DLGAP4: variants seen among roughly 807,000 people sequenced by gnomAD.
The protein encoded by DLGAP4 is disks large-associated protein 4.
A neutral mutation model predicts 86.9 loss-of-function variants in DLGAP4; 18 were observed. The ratio of observed to expected loss-of-function variants is 0.21; its 90% CI spans 0.14 to 0.31. DLGAP4 has a LOEUF of 0.31. DLGAP4 is among the 10% of genes least tolerant of loss of function. DLGAP4 has a pLI of 1.00. For missense variants in DLGAP4, 1,085 were observed against 1,362.6 expected, an observed-to-expected ratio of 0.80 and a Z score of 3.21; for synonymous variants, 548 against 574.3, an observed-to-expected ratio of 0.95 and a Z score of 0.65.
chr20:36,420,303 A>C (rs1174449760), intron 2 of DLGAP4, among the ~76,000 whole-genome samples: 3 of 152,076 alleles, frequency 2.0e-5, no homozygotes, highest in Admixed American at 6.5e-5. Context: ...CAGAGCAGAG[A>C]GGGGCTGGCA....
chr20:36,317,385 G>A (rs1161609669), intron 1 of DLGAP4, among the ~76,000 whole-genome samples: 2 of 118,594 alleles, frequency 1.7e-5, no homozygotes, highest in East Asian at 2.5e-4. Context: ...CTTTCCTCTC[G>A]TCTCTTTCTT....
At chr20:36,414,299 G>A (rs907506091) in intron 2 of DLGAP4, among the ~76,000 whole-genome samples, 2 of 152,046 alleles carry the variant, frequency 1.3e-5, no homozygotes, top group Non-Finnish European at 1.5e-5. Flanking sequence ...TGCCTGCGTC[G>A]TCCCCCTTCC....
chr20:36,485,736 T>C (rs867939111), intron 7 of DLGAP4, among the ~76,000 whole-genome samples: 1 of 152,326 alleles, frequency 6.6e-6, no homozygotes, highest in South Asian at 2.1e-4. Flanking sequence ...CCCAGAGCTG[T>C]GTCAGGATAA....
rs529531486 is a variant in DLGAP4, at chr20:36,330,853, G to A, written c.-304+24341G>A. Among the ~76,000 whole-genome samples the A allele has an allele frequency of 2.8e-3, 420 of 152,312 alleles. 1 individual carries two copies. Among genetic ancestry groups the A allele is most frequent in the Middle Eastern group, 0.01 (3 of 294 alleles). On this transcript the variant is annotated intron_variant, in intron 1 of 12. Coordinates refer to ENST00000339266, the MANE Select transcript of DLGAP4 (RefSeq NM_001365621.2). ...CTCCCAAAGTGCTGGGATTACAGGCGTGAGCCGCCACGCCCGGCCGACTTT... is the reference window on the plus strand; with the variant it reads ...CTCCCAAAGTGCTGGGATTACAGGCATGAGCCGCCACGCCCGGCCGACTTT...
chr20:36,446,925 C>T lies in DLGAP4; in HGVS notation c.1636C>T (p.Arg546Cys), dbSNP rs150644280. Residue 546 changes from arginine to cysteine, a missense_variant, in exon 7 of 13, where the codon CGC becomes TGC. Coordinates refer to ENST00000339266, the MANE Select transcript of DLGAP4 (RefSeq NM_001365621.2). ...PPSTGSLSNS[R>C]TLPSSSCLVA... ...CAGTACCGGCAGCCTCAGCAATAGTCGCACGCTTCCGAGTGAGTACTGTGA... is the reference window on the plus strand; with the variant it reads ...CAGTACCGGCAGCCTCAGCAATAGTTGCACGCTTCCGAGTGAGTACTGTGA... 1.4e-5 allele frequency: 22 copies of T among 1,609,714 alleles called. No individual in the cohort carries two copies. Among genetic ancestry groups the T allele is most frequent in the Non-Finnish European group, 1.8e-5 (21 of 1,177,184 alleles).
chr20:36,508,345 A>AT, intron 10 of DLGAP4: 1 of 151,006 alleles, frequency 6.6e-6, no homozygotes, highest in South Asian at 2.1e-4. Flanking sequence ...ATACATAGAG[A>AT]TCTAGTTCAT....
At chr20:36,368,484 G>A (rs2030783559) in intron 2 of DLGAP4, among the ~76,000 whole-genome samples, 1 of 152,242 alleles carries the variant, frequency 6.6e-6, no homozygotes, top group South Asian at 2.1e-4. Flanking sequence ...GGAGCTGCCC[G>A]CTGGGGTGGC....
In DLGAP4 at chr20:36,350,513, T is replaced by C. The variant is rs1259670536; in HGVS notation, c.-303-16532T>C. ...TGCTTAATGAAAATGCATGCCTCAC[T>C]TCCCTGGACTGTGAAATGGGCCTGA... On this transcript the variant is annotated intron_variant, in intron 1 of 12. Transcript: ENST00000339266. The surrounding 1 kb of genome is among the most constrained non-coding windows in gnomAD (Gnocchi z 4.4). Among the ~76,000 whole-genome samples the C allele has an allele frequency of 5.3e-5, 8 of 152,208 alleles. No individual in the cohort carries two copies. The highest frequency in any genetic ancestry group is 1.7e-4 in the African/African-American group (7 of 41,448).
chr20:36,526,275 C>T, intron 12 of DLGAP4: 2 of 605,204 alleles, frequency 3.3e-6, no homozygotes, highest in Non-Finnish European at 2.9e-6. Context: ...CAGCCTCAAT[C>T]ACGTTATAAC....
intron 1 of DLGAP4, among the ~76,000 whole-genome samples, chr20:36,337,161 A>T (rs2065331110): frequency 6.6e-6 from 1 of 152,178 alleles, no homozygotes; most frequent in Non-Finnish European, 1.5e-5. Flanking sequence ...GACTTGCCCA[A>T]GGGACAAGGC....
At chr20:36,336,752 C>T (rs1422544059) in intron 1 of DLGAP4, among the ~76,000 whole-genome samples, 1 of 152,182 alleles carries the variant, frequency 6.6e-6, no homozygotes, top group African/African-American at 2.4e-5. Flanking sequence ...CTCTGGTTTC[C>T]TTGGCTGCCT....
intron 7 of DLGAP4, among the ~76,000 whole-genome samples, chr20:36,495,720 G>A (rs2035857525): frequency 6.6e-6 from 1 of 152,196 alleles, no homozygotes; most frequent in Non-Finnish European, 1.5e-5. Flanking sequence ...TGGAGAAAGT[G>A]GAGAACAGGG....
intron 12 of DLGAP4, among the ~76,000 whole-genome samples, chr20:36,526,383 TC>T (rs1413546769): frequency 1.3e-5 from 2 of 152,072 alleles, no homozygotes; most frequent in African/African-American, 4.8e-5. Flanking sequence ...GCCAGCCTCT[TC>T]CCTGAGGCTT....
chr20:36,431,919 A>T lies in DLGAP4; in HGVS notation c.202A>T (p.Ser68Cys). Residue 68 changes from serine (S) to cysteine (C), a missense_variant, in exon 3 of 13, where the codon AGC (serine) becomes TGC (cysteine). By Grantham distance (112) the Ser-to-Cys change is moderately radical. Around this residue, in one of 2 missense-constraint regions of DLGAP4, gnomAD observed 1,082 missense variants for 1,344.1 expected, o/e 0.81. Transcript: ENST00000339266. The surrounding 1 kb of genome is among the most constrained non-coding windows in gnomAD (Gnocchi z 5.1). ...CCTCAACAACCAGCTGCCCCCGCCC[A>T]GCAGCACCTTTCCCCGCATCCACTA... ...FPLNNQLPPPSSTFPRIHYNS... is the reference protein window; with the variant it reads ...FPLNNQLPPPCSTFPRIHYNS... 1 of 1,614,000 alleles carries T rather than the reference A, an allele frequency of 6.2e-7. No homozygotes were observed. Among genetic ancestry groups the T allele is most frequent in the Non-Finnish European group, 8.5e-7 (1 of 1,179,976 alleles).
At chr20:36,461,845 GCTGT>G (rs1199287178) in intron 7 of DLGAP4, 1 of 980,708 alleles carries the variant, frequency 1.0e-6, no homozygotes, top group Non-Finnish European at 1.2e-6. Flanking sequence ...TCCCCGGCTC[GCTGT>G]CTCTTTGTCT....
intron 7 of DLGAP4, among the ~76,000 whole-genome samples, chr20:36,489,203 T>C (rs143477656): frequency 1.8e-3 from 281 of 152,296 alleles, no homozygotes; most frequent in Non-Finnish European, 3.4e-3. Flanking sequence ...CGGGCACATG[T>C]CTGCGAGCCC....
At chr20:36,335,966 G>C (rs951951746) in intron 1 of DLGAP4, among the ~76,000 whole-genome samples, 3 of 152,164 alleles carry the variant, frequency 2.0e-5, no homozygotes, top group Admixed American at 6.5e-5. Flanking sequence ...GAATATTGTC[G>C]AGTGAAGGAT....
intron 2 of DLGAP4, among the ~76,000 whole-genome samples, chr20:36,381,179 G>T (rs559374301): frequency 2.6e-4 from 39 of 152,320 alleles, no homozygotes; most frequent in Admixed American, 1.8e-3. Flanking sequence ...CATTCATTCA[G>T]CAAGCAAGCA....
chr20:36,387,837 G>A (rs1569481870), intron 2 of DLGAP4, among the ~76,000 whole-genome samples: 1 of 152,176 alleles, frequency 6.6e-6, no homozygotes, highest in Non-Finnish European at 1.5e-5. Context: ...TGGGAACTCT[G>A]TTCTGTTTCA....
Sources: gnomAD v4.1 joint callset for allele counts (sites outside exome capture counted in the v4.1 genomes callset) on GRCh38, gnomAD v4.1.1 for gene constraint, gnomAD v4.1.1 regional missense constraint, Gnocchi (gnomAD v3.1) non-coding constraint, MANE v1.5 for transcripts, NCBI Gene and HGNC (gene_info 2026-07-23, HGNC 2026-07-21) for gene names.